The following APPBP2 variants were observed in gnomAD, a reference collection of about 807,000 sequenced individuals.
APPBP2 encodes amyloid protein-binding protein 2.
In APPBP2, 15 loss-of-function variants were observed where a neutral mutation model predicts 76.0. That is an observed-to-expected ratio of 0.20 (90% CI 0.13 to 0.30). The LOEUF is 0.30. APPBP2 is among the 10% of genes least tolerant of loss of function. The probability of loss-of-function intolerance (pLI) is 1.00; values close to 1 mark genes in which losing one functional copy is unlikely to be tolerated. For synonymous variants in APPBP2, 222 were observed against 242.2 expected (o/e 0.92, Z 0.77); for missense variants, 401 against 687.2 (o/e 0.58, Z 4.66).
intron 8 of APPBP2, 144 bp from the exon 9 acceptor site, chr17:60,460,931 A>G (rs1398269044): frequency 2.9e-6 from 2 of 693,104 alleles, no homozygotes; most frequent in Admixed American, 7.3e-5. Context: ...TTTAAATTAC[A>G]GAACATGAAA....
At chr17:60,474,876 C>T (rs1355910159) in intron 4 of APPBP2, among the ~76,000 whole-genome samples, 1 of 151,956 alleles carries the variant, frequency 6.6e-6, no homozygotes, top group Admixed American at 6.6e-5. Context: ...TCTTCCCCTA[C>T]CTTGGGATTT....
chr17:60,460,715 C>T lies in APPBP2; in HGVS notation c.1009G>A (p.Ala337Thr). ...TACTGGTGGACATAAGAAGAGTAGG[C>T]CAAATCTTCATGAGCTGTTGCTACG... is the stretch of plus-strand genomic sequence containing the variant. ...IHVATAHEDL[A>T]YSSYVHQYSS... Residue 337 changes from alanine to threonine, a missense_variant, in exon 9 of 13, where the codon GCC (alanine) becomes ACC (threonine). Transcript: ENST00000083182. 1 of 1,613,720 alleles carries T rather than the reference C, an allele frequency of 6.2e-7. No individual in the cohort carries two copies. The highest frequency in any genetic ancestry group is 8.5e-7 in the Non-Finnish European group (1 of 1,179,742).
At chr17:60,485,664 G>C (rs912726331) in intron 3 of APPBP2, among the ~76,000 whole-genome samples, 1 of 152,044 alleles carries the variant, frequency 6.6e-6, no homozygotes. Flanking sequence ...TGGATTCACT[G>C]ATTTTTTTGA....
At chr17:60,448,973 C>T (rs2090370921) in intron 12 of APPBP2, among the ~76,000 whole-genome samples, 1 of 152,046 alleles carries the variant, frequency 6.6e-6, no homozygotes, top group Non-Finnish European at 1.5e-5. Flanking sequence ...GATGGGGCAA[C>T]AATTTAACAT....
At chr17:60,523,450 TCACAACTG>T (rs2091026360) in intron 1 of APPBP2, among the ~76,000 whole-genome samples, 1 of 151,898 alleles carries the variant, frequency 6.6e-6, no homozygotes, top group Admixed American at 6.6e-5. Flanking sequence ...TGAGCTATGA[TCACAACTG>T]CACTCCAGCC....
intron 6 of APPBP2, among the ~76,000 whole-genome samples, chr17:60,463,758 G>T (rs2090491623): frequency 6.6e-6 from 1 of 152,180 alleles, no homozygotes; most frequent in Admixed American, 6.5e-5. Context: ...ACTACTTTGA[G>T]CTGTACTTTA....
At chr17:60,479,030 C>T (rs2090610586) in intron 4 of APPBP2, 118 bp downstream of exon 4, 1 of 977,582 alleles carries the variant, frequency 1.0e-6, no homozygotes, top group East Asian at 2.7e-5. Context: ...GAAACTATGA[C>T]ATATAAATAT....
At chr17:60,513,268 C>A in intron 1 of APPBP2, 1 of 460,270 alleles carries the variant, frequency 2.2e-6, no homozygotes. Flanking sequence ...ATTTGCCATA[C>A]ACAATCACAG....
intron 1 of APPBP2, among the ~76,000 whole-genome samples, chr17:60,505,882 C>T (rs2090864378): frequency 1.3e-5 from 2 of 150,778 alleles, no homozygotes; most frequent in African/African-American, 4.9e-5. Flanking sequence ...TGGGGCTTCA[C>T]CATGTTGGCC....
chr17:60,462,434 C>T (rs1598350062), intron 6 of APPBP2: 1 of 175,132 alleles, frequency 5.7e-6, no homozygotes, highest in Non-Finnish European at 1.2e-5. Flanking sequence ...GAGTGGCTGA[C>T]AACAATCTTT....
Position 60,451,904 on chromosome 17 carries a change from G to A in APPBP2, c.1480C>T (p.Leu494Phe), listed in dbSNP as rs2090398410. ...DMNQYENAEKLYLRSIAIGKK... is the reference protein window; with the variant it reads ...DMNQYENAEKFYLRSIAIGKK... The stretch of plus-strand genomic sequence containing the variant: ...CCAATTGCTATAGATCGCAAATAAA[G>A]TTTCTCAGCATTTTCATACTGATTC... The change falls in exon 12 of 13, where the codon CTT becomes TTT. Residue 494 changes from leucine to phenylalanine, a missense_variant. By Grantham distance (22) the Leu-to-Phe change is conservative. Coordinates refer to ENST00000083182, the MANE Select transcript of APPBP2 (RefSeq NM_006380.5). 6.2e-7 allele frequency: 1 copy of A among 1,609,218 alleles called. No individual in the cohort carries two copies. The highest frequency in any genetic ancestry group is 8.5e-7 in the Non-Finnish European group (1 of 1,178,718).
chr17:60,520,436 G>T lies in APPBP2; in HGVS notation c.138+5358C>A, dbSNP rs568640982. On this transcript the variant is annotated intron_variant, in intron 1 of 12. Transcript: ENST00000083182. ...AAAAATACAAAAATCAGCTGGATGT[G>T]GTGGCAGGTGCTTGTAATCCCAGCT... 8.5e-5 allele frequency among the ~76,000 whole-genome samples: 13 copies of T among 152,120 alleles called. No homozygotes were observed. In the East Asian group the frequency reaches 2.1e-3, roughly 25 times the overall value.
chr17:60,509,106 G>A (rs1283824945), intron 1 of APPBP2, among the ~76,000 whole-genome samples: 6 of 152,168 alleles, frequency 3.9e-5, no homozygotes, highest in African/African-American at 1.4e-4. Context: ...TTGAGTCCAG[G>A]AGTGGTGGCT....
chr17:60,476,966 A>G (rs7213753), intron 4 of APPBP2, among the ~76,000 whole-genome samples: 1 of 152,126 alleles, frequency 6.6e-6, no homozygotes, highest in African/African-American at 2.4e-5. Context: ...TTTGCTCCTC[A>G]GACTATACTT....
At chr17:60,518,613 C>T (rs2143501720) in intron 1 of APPBP2, among the ~76,000 whole-genome samples, 1 of 152,064 alleles carries the variant, frequency 6.6e-6, no homozygotes, top group African/African-American at 2.4e-5. Flanking sequence ...ATCTCCCAGG[C>T]CCAAGCGATC....
intron 3 of APPBP2, among the ~76,000 whole-genome samples, chr17:60,491,747 G>T (rs1175819317): frequency 6.6e-6 from 1 of 152,114 alleles, no homozygotes; most frequent in Non-Finnish European, 1.5e-5. Context: ...CACCCAGTCA[G>T]CATTCAGTTT....
intron 5 of APPBP2, 24 bp from the exon 6 acceptor site, chr17:60,464,134 G>A: frequency 6.4e-7 from 1 of 1,559,162 alleles, no homozygotes; most frequent in Non-Finnish European, 8.8e-7. Flanking sequence ...TTATAGAAGA[G>A]ACAGAACTGT....
At chr17:60,471,008 ACT>A (rs2090548442) in intron 4 of APPBP2, among the ~76,000 whole-genome samples, 1 of 151,228 alleles carries the variant, frequency 6.6e-6, no homozygotes, top group African/African-American at 2.4e-5. Context: ...TGTTGGCCAG[ACT>A]GGTCTCAAAC....
chr17:60,516,582 C>A (rs537553433), intron 1 of APPBP2, among the ~76,000 whole-genome samples: 1 of 152,276 alleles, frequency 6.6e-6, no homozygotes, highest in East Asian at 1.9e-4. Flanking sequence ...GTGTAATATT[C>A]TACTACGTGA....
Sources: gnomAD v4.1 joint callset for allele counts (sites outside exome capture counted in the v4.1 genomes callset) on GRCh38, gnomAD v4.1.1 for gene constraint, MANE v1.5 for transcripts, NCBI Gene and HGNC (gene_info 2026-07-23, HGNC 2026-07-21) for gene names.